The following MED13L variants were observed in gnomAD, a reference collection of about 807,000 sequenced individuals.
MED13L encodes mediator of RNA polymerase II transcription subunit 13-like.
A neutral mutation model predicts 220.9 loss-of-function variants in MED13L; 7 were observed. That is an observed-to-expected ratio of 0.03 (90% CI 0.02 to 0.06). The LOEUF (loss-of-function observed/expected upper bound fraction) is 0.06. MED13L is among the 10% of genes least tolerant of loss of function. MED13L has a pLI of 1.00. For missense variants in MED13L, 1,965 were observed against 2,760.5 expected, an observed-to-expected ratio of 0.71 and a Z score of 6.46; for synonymous variants, 1,011 against 1,015.2, an observed-to-expected ratio of 1.00 and a Z score of 0.08.
intron 1 of MED13L, among the ~76,000 whole-genome samples, chr12:116,262,846 T>A (rs984814364): frequency 6.6e-6 from 1 of 152,200 alleles, no homozygotes; most frequent in Non-Finnish European, 1.5e-5. Context: ...CACAACCTTA[T>A]CACCAAATAG....
At chr12:116,233,666 CT>C (rs1251094109) in intron 2 of MED13L, among the ~76,000 whole-genome samples, 1 of 152,174 alleles carries the variant, frequency 6.6e-6, no homozygotes, top group Non-Finnish European at 1.5e-5. Context: ...GCTCTAAGTA[CT>C]TTTAATTTTT....
chr12:116,170,062 G>A (rs1879562158), intron 2 of MED13L, among the ~76,000 whole-genome samples: 1 of 152,060 alleles, frequency 6.6e-6, no homozygotes, highest in Admixed American at 6.5e-5. Flanking sequence ...TCTATATTCT[G>A]TCACATTAAA....
intron 2 of MED13L, among the ~76,000 whole-genome samples, chr12:116,131,699 A>G (rs902251731): frequency 6.6e-6 from 1 of 152,204 alleles, no homozygotes; most frequent in African/African-American, 2.4e-5. Context: ...TAGAAATAGC[A>G]GTACCAAGGC....
chr12:116,203,415 GTTTT>G (rs34200641), intron 2 of MED13L, among the ~76,000 whole-genome samples: 2 of 143,778 alleles, frequency 1.4e-5, no homozygotes, highest in Non-Finnish European at 3.1e-5. Flanking sequence ...TTTGTTTTGT[GTTTT>G]TTTTTTTGAA....
intron 23 of MED13L, among the ~76,000 whole-genome samples, chr12:115,976,111 A>T (rs1229884564): frequency 6.6e-6 from 1 of 152,218 alleles, no homozygotes. Flanking sequence ...AAGAATATGG[A>T]GCAACAAGAA....
intron 2 of MED13L, among the ~76,000 whole-genome samples, chr12:116,203,398 A>C (rs1882122449): frequency 1.3e-5 from 2 of 151,300 alleles, no homozygotes; most frequent in Non-Finnish European, 2.9e-5. Context: ...TTTGTTTTAA[A>C]AGGTGTTTTG....
intron 22 of MED13L, 53 bp downstream of exon 22, chr12:115,982,331 T>C: frequency 2.6e-6 from 4 of 1,547,640 alleles, no homozygotes; most frequent in Non-Finnish European, 3.6e-6. Flanking sequence ...TTTATTTTCA[T>C]AACAACAAAA....
chr12:116,031,715 GAAAAGAAAAGAAAAGAAAAGA>G (rs1880791326), intron 4 of MED13L, among the ~76,000 whole-genome samples: 2 of 46,370 alleles, frequency 4.3e-5, no homozygotes, highest in South Asian at 7.5e-4. Context: ...GAAAAGAAAA[GAAAAGAAAAGAAAAGAAAAGA>G]AAAGAAAAGA....
At chr12:116,081,412 T>C (rs996879768) in intron 4 of MED13L, among the ~76,000 whole-genome samples, 10 of 152,208 alleles carry the variant, frequency 6.6e-5, no homozygotes, top group Admixed American at 6.5e-4. Context: ...AAAGCCAAAA[T>C]TTAAAGATTT....
intron 4 of MED13L, among the ~76,000 whole-genome samples, chr12:116,091,414 T>C (rs1017241308): frequency 9.2e-5 from 14 of 152,172 alleles, no homozygotes; most frequent in African/African-American, 3.4e-4. Flanking sequence ...GCAAATACTG[T>C]ATTTAACTAT....
At chr12:115,992,012 C>T (rs1253717708) in intron 16 of MED13L, 55 bp from the exon 17 acceptor site, 17 of 1,452,034 alleles carry the variant, frequency 1.2e-5, no homozygotes, top group Non-Finnish European at 1.6e-5. Context: ...AGATGCTGAA[C>T]TAGACACATG....
intron 4 of MED13L, among the ~76,000 whole-genome samples, chr12:116,095,135 C>T (rs1379221550): frequency 6.6e-6 from 1 of 152,042 alleles, no homozygotes; most frequent in Non-Finnish European, 1.5e-5. Flanking sequence ...GGCACTCCTG[C>T]CTGGATAACA....
At chr12:116,275,393 A>G (rs766845130) in intron 1 of MED13L, among the ~76,000 whole-genome samples, 6 of 152,214 alleles carry the variant, frequency 3.9e-5, no homozygotes, top group African/African-American at 1.2e-4. Flanking sequence ...AAATATCTGG[A>G]TTAAAATATT....
chr12:115,982,156 CAT>C (rs1485069464), intron 22 of MED13L: 5 of 546,388 alleles, frequency 9.2e-6, no homozygotes, highest in Non-Finnish European at 1.6e-5. Flanking sequence ...GTATATGAAA[CAT>C]AAATAAATTT....
chr12:116,112,297 T>C (rs1288842795), intron 2 of MED13L, among the ~76,000 whole-genome samples: 3 of 152,118 alleles, frequency 2.0e-5, no homozygotes, highest in Admixed American at 6.6e-5. Context: ...CAGCAAAAAA[T>C]TGGAAGGATG....
intron 14 of MED13L, among the ~76,000 whole-genome samples, chr12:115,998,558 G>T (rs1217567434): frequency 6.6e-6 from 1 of 152,212 alleles, no homozygotes; most frequent in Non-Finnish European, 1.5e-5. Context: ...GGGCTAGATG[G>T]ATGACTCTCA....
At chr12:116,037,966 T>G (rs904788030) in intron 4 of MED13L, among the ~76,000 whole-genome samples, 3 of 152,178 alleles carry the variant, frequency 2.0e-5, no homozygotes, top group African/African-American at 7.2e-5. Flanking sequence ...TACGTAAGAT[T>G]TGAGGATTAT....
intron 21 of MED13L, 144 bp downstream of exon 21, chr12:115,982,973 A>G: frequency 1.2e-6 from 1 of 843,100 alleles, no homozygotes; most frequent in Non-Finnish European, 1.8e-6. Flanking sequence ...CTTTAGATCG[A>G]CCATTGCCCC....
rs186367738 is a variant in MED13L at position 116,013,374 on chromosome 12, C to T, written c.1176-473G>A. Among the ~76,000 whole-genome samples, 18 of 152,314 alleles carry T rather than the reference C, an allele frequency of 1.2e-4. No individual in the cohort carries two copies. The East Asian group carries it at 3.3e-3, about 28-fold the overall frequency. ...TGGGTGGCTGAGATAGACACCCTTG[C>T]TTACTCAGGGTTCAATGTACACAAA... is the stretch of plus-strand genomic sequence containing the variant. On this transcript the variant is annotated intron_variant, in intron 8 of 30. Transcript: ENST00000281928.
Sources: gnomAD v4.1 joint callset for allele counts (sites outside exome capture counted in the v4.1 genomes callset) on GRCh38, gnomAD v4.1.1 for gene constraint, MANE v1.5 for transcripts, NCBI Gene and HGNC (gene_info 2026-07-23, HGNC 2026-07-21) for gene names.